Variants in IMPG1 observed in about 807,000 individuals in gnomAD.
The protein encoded by IMPG1 is interphotoreceptor matrix proteoglycan 1.
A neutral mutation model predicts 92.0 loss-of-function variants in IMPG1; 85 were observed. The ratio of observed to expected loss-of-function variants is 0.92; its 90% CI spans 0.78 to 1.11. The LOEUF (loss-of-function observed/expected upper bound fraction) is 1.11, where lower values mean the gene tolerates loss of function less well. Among genes scored for constraint, IMPG1 ranks in the 50% least tolerant of loss-of-function variants. The pLI, the probability that IMPG1 is intolerant of heterozygous loss-of-function variation, is 0.00. For synonymous variants in IMPG1, 367 were observed against 334.1 expected, an observed-to-expected ratio of 1.10 and a Z score of -1.08; for missense variants, 1,022 against 956.0, an observed-to-expected ratio of 1.07 and a Z score of -0.91.
intron 4 of IMPG1, among the ~76,000 whole-genome samples, chr6:76,030,985 T>C (rs1783643849): frequency 6.6e-6 from 1 of 152,112 alleles, no homozygotes; most frequent in Non-Finnish European, 1.5e-5. Context: ...ATTCAAGCTG[T>C]GGGTGGCAAG....
intron 12 of IMPG1, among the ~76,000 whole-genome samples, chr6:75,952,310 A>G (rs375907030): frequency 6.6e-6 from 1 of 152,188 alleles, no homozygotes; most frequent in Non-Finnish European, 1.5e-5. Context: ...AGCATGATAA[A>G]TGGACTGTCT....
intron 15 of IMPG1, among the ~76,000 whole-genome samples, chr6:75,928,015 C>T (rs188039292): frequency 5.5e-4 from 84 of 152,154 alleles, no homozygotes; most frequent in African/African-American, 2.0e-3. Flanking sequence ...AGTGATCTTT[C>T]TCACTAAAGA....
At chr6:76,012,437 C>T (rs958526074) in intron 7 of IMPG1, among the ~76,000 whole-genome samples, 3 of 152,218 alleles carry the variant, frequency 2.0e-5, no homozygotes, top group African/African-American at 7.2e-5. Flanking sequence ...CTTCGAGTTT[C>T]CATCTTCAGC....
intron 1 of IMPG1, among the ~76,000 whole-genome samples, chr6:76,061,264 T>C (rs1179867875): frequency 6.6e-6 from 1 of 152,196 alleles, no homozygotes; most frequent in Non-Finnish European, 1.5e-5. Flanking sequence ...ACATGAAGTA[T>C]CTTTAATTTA....
intron 15 of IMPG1, among the ~76,000 whole-genome samples, chr6:75,929,624 C>T (rs1781629894): frequency 6.6e-6 from 1 of 150,582 alleles, no homozygotes; most frequent in South Asian, 2.1e-4. Flanking sequence ...GGGTGCAGCA[C>T]ACCAGCATGG....
chr6:76,054,446 T>A (rs759325563), intron 1 of IMPG1, among the ~76,000 whole-genome samples: 1 of 152,178 alleles, frequency 6.6e-6, no homozygotes, highest in Non-Finnish European at 1.5e-5. Context: ...ACGCACCTGT[T>A]AAAAGACAGT....
In IMPG1 at chr6:76,000,319, T is replaced by A. The variant is rs183174166; in HGVS notation, c.1291+2599A>T. 7.9e-5 allele frequency among the ~76,000 whole-genome samples: 12 copies of A among 152,348 alleles called. No homozygotes were observed. In the East Asian group the frequency reaches 2.3e-3, roughly 29 times the overall value. ...AATTAACTATTTTAAGGTAAATGAT[T>A]CAGTGGCATTTGGCACATTCACAAT... On this transcript the variant is annotated intron_variant, in intron 12 of 16. Coordinates refer to ENST00000369950, the MANE Select transcript of IMPG1 (RefSeq NM_001563.4).
intron 2 of IMPG1, 86 bp downstream of exon 2, chr6:76,041,807 G>A (rs1423198938): frequency 1.2e-5 from 10 of 859,204 alleles, no homozygotes; most frequent in East Asian, 1.0e-4. Context: ...AGAACTGGAA[G>A]TTTTAGGCTA....
At chr6:75,974,387 C>CTTTA (rs1406123313) in intron 12 of IMPG1, among the ~76,000 whole-genome samples, 1 of 60,910 alleles carries the variant, frequency 1.6e-5, no homozygotes, top group Non-Finnish European at 3.4e-5. Context: ...TTCTTTCTTT[C>CTTTA]TTTCTTTTCT....
intron 9 of IMPG1, among the ~76,000 whole-genome samples, chr6:76,005,811 T>C (rs1216358419): frequency 1.3e-5 from 2 of 151,976 alleles, no homozygotes; most frequent in Non-Finnish European, 2.9e-5. Context: ...CATAGATTTT[T>C]ACTTTAGGTT....
intron 15 of IMPG1, among the ~76,000 whole-genome samples, chr6:75,924,104 C>T (rs927054021): frequency 1.3e-5 from 2 of 151,608 alleles, no homozygotes; most frequent in African/African-American, 2.4e-5. Flanking sequence ...CAAATGTTAT[C>T]GAGGATGTGG....
intron 9 of IMPG1, among the ~76,000 whole-genome samples, chr6:76,005,846 T>G (rs1783087340): frequency 1.3e-5 from 2 of 151,164 alleles, no homozygotes; most frequent in Admixed American, 1.3e-4. Flanking sequence ...TTTCTTTTAT[T>G]TTTTTTTTGC....
intron 12 of IMPG1, among the ~76,000 whole-genome samples, chr6:75,963,003 T>C (rs1782234675): frequency 6.6e-6 from 1 of 150,866 alleles, no homozygotes; most frequent in African/African-American, 2.4e-5. Flanking sequence ...ATTGCCCCAC[T>C]GTACTCCAGC....
rs572003769 is a variant in IMPG1, at chr6:75,966,095, T to C, written c.1292-15001A>G. 9.9e-5 allele frequency among the ~76,000 whole-genome samples: 15 copies of C among 152,282 alleles called. No individual in the cohort carries two copies. In the South Asian group the frequency reaches 3.1e-3, roughly 32 times the overall value. ...TCATGTCATATTTTAGGCCCTAAGG[T>C]TCCTAGTTAGTCCATCTTCTTCTCT... On this transcript the variant is annotated intron_variant, in intron 12 of 16. Transcript: ENST00000369950.
At chr6:76,001,466 C>T (rs1782988902) in intron 12 of IMPG1, among the ~76,000 whole-genome samples, 1 of 152,152 alleles carries the variant, frequency 6.6e-6, no homozygotes, top group South Asian at 2.1e-4. Context: ...TCTAGATGGG[C>T]TCTGCAGCTG....
intron 7 of IMPG1, among the ~76,000 whole-genome samples, chr6:76,016,949 C>A (rs1469107785): frequency 6.6e-6 from 1 of 152,078 alleles, no homozygotes; most frequent in African/African-American, 2.4e-5. Flanking sequence ...GACACATAAG[C>A]AAGCAGTCTC....
At chr6:75,966,876 T>G (rs1782315736) in intron 12 of IMPG1, among the ~76,000 whole-genome samples, 1 of 152,174 alleles carries the variant, frequency 6.6e-6, no homozygotes, top group Admixed American at 6.5e-5. Context: ...AAAATTTTTC[T>G]GATACATTAA....
rs747575833 is a variant in IMPG1 at position 75,931,142 on chromosome 6, G to C, written c.2054C>G (p.Ala685Gly). 6.2e-7 allele frequency: 1 copy of C among 1,611,914 alleles called. No individual in the cohort carries two copies. Among genetic ancestry groups the C allele is most frequent in the Admixed American group, 1.7e-5 (1 of 59,678 alleles). The change falls in exon 15 of 17, where the codon GCA becomes GGA. Residue 685 changes from alanine (A) to glycine (G), a missense_variant. Ala to Gly is a moderately conservative substitution (Grantham distance 60). Around this residue, in one of 3 missense-constraint regions of IMPG1, gnomAD observed 332 missense variants for 346.2 expected, o/e 0.96. Transcript: ENST00000369950. ...GCAGGCCAGGAACTTGCAGGGATCT[G>C]CTTGATCAGCTGTAAGAAATGGGGC... Reference protein sequence around the residue: ...YSLNIEPADQADPCKFLACGE... With the variant: ...YSLNIEPADQGDPCKFLACGE...
At chr6:76,064,147 G>A (rs1784260043) in intron 1 of IMPG1, among the ~76,000 whole-genome samples, 1 of 152,030 alleles carries the variant, frequency 6.6e-6, no homozygotes, top group African/African-American at 2.4e-5. Flanking sequence ...ATAAAGGACA[G>A]CCATTCTAGG....
Sources: allele counts gnomAD v4.1 joint callset (sites outside exome capture counted in the v4.1 genomes callset), GRCh38; gene constraint gnomAD v4.1.1; regional missense constraint gnomAD v4.1.1; transcripts MANE v1.5; gene names NCBI Gene and HGNC (gene_info 2026-07-23, HGNC 2026-07-21).